Variants in WNK1 observed in about 807,000 individuals in gnomAD.
WNK1 encodes WNK lysine deficient protein kinase 1, also known as serine/threonine-protein kinase WNK1.
A neutral mutation model predicts 222.8 loss-of-function variants in WNK1; 38 were observed. The observed-to-expected ratio is 0.17, with a 90% confidence interval of 0.13 to 0.22. The LOEUF is 0.22. Ranked by LOEUF, WNK1 falls within the 10% of genes least tolerant of loss-of-function variation. The pLI is 1.00. For synonymous variants in WNK1, 1,090 were observed against 1,092.9 expected, an observed-to-expected ratio of 1.00 and a Z score of 0.05; for missense variants, 2,348 against 2,918.4, an observed-to-expected ratio of 0.80 and a Z score of 4.50.
chr12:879,641 GGTT>G lies in WNK1; in HGVS notation c.2446_2448del (p.Val816del). The G allele has an allele frequency of 1.2e-6, 2 of 1,612,526 alleles. No homozygotes were observed. The highest frequency in any genetic ancestry group is 1.7e-6 in the Non-Finnish European group (2 of 1,179,822). Reference sequence around the variant, plus strand: ...AGATCCCAGTTGCGACACAACCCTCGGTTGTTCCAGTCCACTCTGGTGCTCATT... The same window carrying G: ...AGATCCCAGTTGCGACACAACCCTCGGTTCCAGTCCACTCTGGTGCTCATT... On this transcript the variant is annotated inframe_deletion, in exon 11 of 28. Transcript: ENST00000315939.
At chr12:803,888 C>A (rs1946107302) in intron 1 of WNK1, among the ~76,000 whole-genome samples, 2 of 152,174 alleles carry the variant, frequency 1.3e-5, no homozygotes, top group East Asian at 3.9e-4. Context: ...AAGTAATATG[C>A]TAAAACCAAT....
rs748557001 is a variant in WNK1 at position 868,886 on chromosome 12, T to C, written c.2140-2379T>C. ...AAGCCCAGAATATTCCAGTGATTCC[T>C]CACAAATCACTTCTTCAGACCCCAG... On this transcript the variant is annotated intron_variant, in intron 8 of 27. Coordinates refer to ENST00000315939, the MANE Select transcript of WNK1 (RefSeq NM_018979.4). 10 of 1,608,764 alleles carry C rather than the reference T, an allele frequency of 6.2e-6. No homozygotes were observed. Among genetic ancestry groups the C allele is most frequent in the Admixed American group, 5.0e-5 (3 of 59,696 alleles).
At chr12:871,889 C>T (rs1240908860) in intron 9 of WNK1, among the ~76,000 whole-genome samples, 1 of 152,142 alleles carries the variant, frequency 6.6e-6, no homozygotes, top group African/African-American at 2.4e-5. Flanking sequence ...AGGCATGCGC[C>T]ACCTCACCCA....
At chr12:886,782 A>G (rs566604785) in intron 19 of WNK1, among the ~76,000 whole-genome samples, 1 of 152,310 alleles carries the variant, frequency 6.6e-6, no homozygotes, top group South Asian at 2.1e-4. Context: ...TGATAATAGT[A>G]TTAGATTTCT....
chr12:814,866 C>T (rs149059659), intron 2 of WNK1, among the ~76,000 whole-genome samples: 1 of 152,220 alleles, frequency 6.6e-6, no homozygotes, highest in East Asian at 1.9e-4. Flanking sequence ...AATGTAGAAT[C>T]AGTGGGAGCC....
chr12:833,759 A>G (rs991861893), intron 4 of WNK1, among the ~76,000 whole-genome samples: 4 of 152,158 alleles, frequency 2.6e-5, no homozygotes, highest in African/African-American at 9.7e-5. Context: ...ATTTTAATCT[A>G]GTACATCTGT....
chr12:835,708 T>A (rs1949127063), intron 4 of WNK1, among the ~76,000 whole-genome samples: 1 of 152,084 alleles, frequency 6.6e-6, no homozygotes, highest in African/African-American at 2.4e-5. Context: ...ATCCCAGAAC[T>A]TTGGGAGGCC....
In WNK1 at chr12:868,717, G is replaced by A. The variant is rs1951891680; in HGVS notation, c.2140-2548G>A. The A allele has an allele frequency of 6.2e-7, 1 of 1,613,762 alleles. No individual in the cohort carries two copies. Among genetic ancestry groups the A allele is most frequent in the Non-Finnish European group, 8.5e-7 (1 of 1,179,910 alleles). ...TTTACCGAAATCGGCAGGTTGCAGT[G>A]GACTTGAATCAAGAAGAACTGCCTC... On this transcript the variant is annotated intron_variant, in intron 8 of 27. Coordinates refer to ENST00000315939, the MANE Select transcript of WNK1 (RefSeq NM_018979.4).
chr12:862,084 T>C lies in WNK1; in HGVS notation c.1953T>C (p.Ser651=). Residue 651 remains serine (S), a splice_region_variant and synonymous_variant, in exon 8 of 28, where the codon TCT becomes TCC. Coordinates refer to ENST00000315939, the MANE Select transcript of WNK1 (RefSeq NM_018979.4). ...QYQQPSISVL[S]DGTVDSGQGS... is the part of the protein sequence containing the mutation. The stretch of plus-strand genomic sequence containing the variant: ...TTTGGCGATTCATTTTTCCTTCAGC[T>C]GATGGGACGGTTGACAGTGGTCAGG... 1 of 1,614,056 alleles carries C rather than the reference T, an allele frequency of 6.2e-7. No homozygotes were observed. Among genetic ancestry groups the C allele is most frequent in the East Asian group, 2.2e-5 (1 of 44,888 alleles).
intron 26 of WNK1, chr12:901,611 G>C (rs1955266608): frequency 7.8e-7 from 1 of 1,289,006 alleles, no homozygotes; most frequent in Non-Finnish European, 1.0e-6. Context: ...CAAACCTGGT[G>C]GCAGGAGGAC....
chr12:759,657 CAGGA>C (rs1940739436), intron 1 of WNK1, among the ~76,000 whole-genome samples: 1 of 147,604 alleles, frequency 6.8e-6, no homozygotes. Context: ...ACCTGGTCTG[CAGGA>C]ATAGGTGAGA....
chr12:843,609 G>T (rs1191605237), intron 4 of WNK1, among the ~76,000 whole-genome samples: 1 of 152,092 alleles, frequency 6.6e-6, no homozygotes, highest in Non-Finnish European at 1.5e-5. Flanking sequence ...AGAAAATCTG[G>T]CCTCATGCAG....
chr12:804,092 C>T (rs1275836317), intron 1 of WNK1, among the ~76,000 whole-genome samples: 1 of 152,076 alleles, frequency 6.6e-6, no homozygotes, highest in African/African-American at 2.4e-5. Flanking sequence ...TCTCATGTAC[C>T]TCAAGTCCTT....
intron 26 of WNK1, chr12:906,244 G>C: frequency 3.3e-6 from 3 of 918,376 alleles, no homozygotes; most frequent in Non-Finnish European, 3.9e-6. Context: ...ACAGTGGGGG[G>C]TAAGGAAAAC....
At chr12:802,812 T>C (rs1397598811) in intron 1 of WNK1, among the ~76,000 whole-genome samples, 3 of 152,168 alleles carry the variant, frequency 2.0e-5, no homozygotes, top group African/African-American at 7.2e-5. Context: ...GTAAATGAGA[T>C]AGATATTTTT....
chr12:826,824 A>T (rs1170124833), intron 2 of WNK1, among the ~76,000 whole-genome samples: 1 of 152,092 alleles, frequency 6.6e-6, no homozygotes, highest in East Asian at 1.9e-4. Flanking sequence ...ATGAAAAAGC[A>T]TTTGGAAGAC....
intron 8 of WNK1, among the ~76,000 whole-genome samples, chr12:866,875 G>C (rs1326992760): frequency 6.6e-6 from 1 of 152,128 alleles, no homozygotes; most frequent in African/African-American, 2.4e-5. Context: ...TGTAATCCTA[G>C]CACTTTGGGA....
At chr12:893,064 G>T (rs1399881331) in intron 22 of WNK1, among the ~76,000 whole-genome samples, 1 of 152,128 alleles carries the variant, frequency 6.6e-6, no homozygotes, top group African/African-American at 2.4e-5. Flanking sequence ...AGACCAGCCT[G>T]GGCAATATAG....
At chr12:889,268 T>C (rs1953972340) in intron 21 of WNK1, 45 bp downstream of exon 21, 3 of 1,492,502 alleles carry the variant, frequency 2.0e-6, no homozygotes, top group Non-Finnish European at 1.9e-6. Flanking sequence ...AACCCTAATA[T>C]ATTATATGCC....
Sources: gnomAD v4.1 joint callset for allele counts (sites outside exome capture counted in the v4.1 genomes callset) on GRCh38, gnomAD v4.1.1 for gene constraint, MANE v1.5 for transcripts, NCBI Gene and HGNC (gene_info 2026-07-23, HGNC 2026-07-21) for gene names.